The following CACNA2D3 variants were observed in gnomAD, a reference collection of about 807,000 sequenced individuals.
CACNA2D3 encodes the protein calcium voltage-gated channel auxiliary subunit alpha2delta 3.
CACNA2D3 carries 60 observed loss-of-function variants against 160.6 expected under a neutral mutation model. The observed-to-expected ratio is 0.37, with a 90% CI of 0.30 to 0.46. The LOEUF is 0.46. CACNA2D3 is among the 20% of genes least tolerant of loss of function. The pLI is 1.00. For synonymous variants in CACNA2D3, 558 were observed against 492.9 expected, an observed-to-expected ratio of 1.13 and a Z score of -1.75; for missense variants, 1,205 against 1,365.0, an observed-to-expected ratio of 0.88 and a Z score of 1.85.
At position 54,969,786 on chromosome 3, in the gene CACNA2D3, T is replaced by G; in HGVS notation, c.2512-14T>G. ...ACATAGTAACACATTTCCCTCCACT[T>G]TTTGCCTTCACAGTGTGCTTCCCTG... On this transcript the variant is annotated splice_polypyrimidine_tract_variant and intron_variant, in intron 28 of 37. Coordinates refer to ENST00000474759, the MANE Select transcript of CACNA2D3 (RefSeq NM_018398.3). 6.2e-7 allele frequency: 1 copy of G among 1,611,946 alleles called. No individual in the cohort carries two copies. Among genetic ancestry groups the G allele is most frequent in the Non-Finnish European group, 8.5e-7 (1 of 1,178,822 alleles).
chr3:54,802,979 A>G (rs1021967719), intron 13 of CACNA2D3, among the ~76,000 whole-genome samples: 9 of 152,348 alleles, frequency 5.9e-5, no homozygotes, highest in East Asian at 1.9e-4. Flanking sequence ...GCAAACTTCA[A>G]CAGACATGCA....
intron 11 of CACNA2D3, among the ~76,000 whole-genome samples, chr3:54,659,686 T>G (rs1314312813): frequency 6.6e-6 from 1 of 152,214 alleles, no homozygotes; most frequent in African/African-American, 2.4e-5. Context: ...GAGAGTGACC[T>G]TGGACAGGAA....
intron 27 of CACNA2D3, among the ~76,000 whole-genome samples, chr3:54,945,121 G>C (rs913426175): frequency 6.6e-6 from 1 of 152,196 alleles, no homozygotes; most frequent in African/African-American, 2.4e-5. Context: ...GGAAAGGAAG[G>C]TTAGGAATTC....
chr3:54,264,559 TTTAAG>T (rs1240621241), intron 2 of CACNA2D3, among the ~76,000 whole-genome samples: 1 of 152,220 alleles, frequency 6.6e-6, no homozygotes, highest in Non-Finnish European at 1.5e-5. Context: ...TTTCTTTTTC[TTTAAG>T]TTTTTTCTTG....
intron 11 of CACNA2D3, among the ~76,000 whole-genome samples, chr3:54,726,126 C>G (rs774293784): frequency 3.9e-5 from 6 of 152,068 alleles, no homozygotes; most frequent in Non-Finnish European, 7.4e-5. Context: ...AATAGACAAA[C>G]AGAGAGCCAA....
At chr3:54,463,793 G>T (rs994562776) in intron 4 of CACNA2D3, among the ~76,000 whole-genome samples, 2 of 152,218 alleles carry the variant, frequency 1.3e-5, no homozygotes, top group African/African-American at 2.4e-5. Flanking sequence ...TCTCCATCCA[G>T]CTTTGTTCCG....
intron 3 of CACNA2D3, among the ~76,000 whole-genome samples, chr3:54,373,069 T>A (rs1393819289): frequency 6.6e-6 from 1 of 152,190 alleles, no homozygotes; most frequent in Non-Finnish European, 1.5e-5. Flanking sequence ...GTTGGAGCAG[T>A]CATCTCTTGA....
chr3:54,821,668 CTTT>C (rs1703599573), intron 14 of CACNA2D3, among the ~76,000 whole-genome samples: 19 of 116,272 alleles, frequency 1.6e-4, no homozygotes, highest in African/African-American at 5.4e-4. Context: ...TTCTTTCTTT[CTTT>C]CTTTCTTTCT....
At chr3:54,636,643 G>A (rs1418031961) in intron 10 of CACNA2D3, among the ~76,000 whole-genome samples, 1 of 152,036 alleles carries the variant, frequency 6.6e-6, no homozygotes, top group Non-Finnish European at 1.5e-5. Flanking sequence ...ACAGGGTGTG[G>A]TCCTGGCTCT....
chr3:54,541,209 A>G (rs867279652), intron 5 of CACNA2D3, among the ~76,000 whole-genome samples: 41 of 143,626 alleles, frequency 2.9e-4, no homozygotes, highest in Non-Finnish European at 4.5e-4. Context: ...CCTGGGAGGC[A>G]GAGCTTGCAG....
At chr3:54,479,573 A>G (rs1700899377) in intron 4 of CACNA2D3, among the ~76,000 whole-genome samples, 1 of 152,196 alleles carries the variant, frequency 6.6e-6, no homozygotes, top group African/African-American at 2.4e-5. Context: ...ATTGCTACTG[A>G]AAATGATGAA....
chr3:54,814,748 G>T (rs905940451), intron 13 of CACNA2D3, among the ~76,000 whole-genome samples: 10 of 152,112 alleles, frequency 6.6e-5, no homozygotes, highest in African/African-American at 2.2e-4. Context: ...TCCTTCCCAG[G>T]ATTTCTTCCC....
intron 27 of CACNA2D3, among the ~76,000 whole-genome samples, chr3:54,905,694 A>G (rs1210497214): frequency 6.6e-6 from 1 of 152,154 alleles, no homozygotes; most frequent in African/African-American, 2.4e-5. Flanking sequence ...GGAGGATGCT[A>G]CTGGCATCTA....
intron 2 of CACNA2D3, among the ~76,000 whole-genome samples, chr3:54,231,353 T>C (rs1025185761): frequency 6.6e-6 from 1 of 152,216 alleles, no homozygotes; most frequent in African/African-American, 2.4e-5. Flanking sequence ...AGATCCACCA[T>C]ACCTGCAAGA....
intron 4 of CACNA2D3, among the ~76,000 whole-genome samples, chr3:54,430,868 T>A (rs1699979758): frequency 6.6e-6 from 1 of 152,176 alleles, no homozygotes; most frequent in African/African-American, 2.4e-5. Context: ...TCCTGCACAG[T>A]AAATAATTTG....
intron 9 of CACNA2D3, among the ~76,000 whole-genome samples, chr3:54,587,100 G>GA (rs960634072): frequency 2.6e-5 from 4 of 151,466 alleles, no homozygotes; most frequent in African/African-American, 9.7e-5. Context: ...CAAGAAATTA[G>GA]AAAAAATAGT....
intron 35 of CACNA2D3, among the ~76,000 whole-genome samples, chr3:55,068,539 A>G (rs1704721144): frequency 6.6e-6 from 1 of 152,090 alleles, no homozygotes. Flanking sequence ...CATCTCATTT[A>G]TTTTTCTTGT....
intron 35 of CACNA2D3, among the ~76,000 whole-genome samples, chr3:55,053,462 A>G (rs9836010): frequency 6.6e-6 from 1 of 151,852 alleles, no homozygotes; most frequent in Non-Finnish European, 1.5e-5. Flanking sequence ...AGCTTCCTTT[A>G]AATTCTAACA....
intron 14 of CACNA2D3, among the ~76,000 whole-genome samples, chr3:54,825,371 G>C (rs1703728411): frequency 6.6e-6 from 1 of 152,160 alleles, no homozygotes; most frequent in African/African-American, 2.4e-5. Context: ...TAGCCTGGGT[G>C]GTCTTGAAGG....
Sources: gnomAD v4.1 joint callset for allele counts (sites outside exome capture counted in the v4.1 genomes callset) on GRCh38, gnomAD v4.1.1 for gene constraint, MANE v1.5 for transcripts, NCBI Gene and HGNC (gene_info 2026-07-23, HGNC 2026-07-21) for gene names.